Variants in LNPEP observed in about 807,000 individuals in gnomAD.
LNPEP encodes the protein leucyl-cystinyl aminopeptidase.
Under a neutral mutation model 120.6 loss-of-function variants are expected in LNPEP, and 64 were observed. The ratio of observed to expected loss-of-function variants is 0.53; its 90% CI spans 0.43 to 0.65. The LOEUF is 0.65. LNPEP is among the 30% of genes least tolerant of loss of function. The pLI is 0.00. For synonymous variants in LNPEP, 435 were observed against 425.4 expected (o/e 1.02, Z -0.28); for missense variants, 1,057 against 1,200.0 (o/e 0.88, Z 1.76).
At chr5:97,011,266 C>A (rs1790920305) in intron 11 of LNPEP, 23 of 873,634 alleles carry the variant, frequency 2.6e-5, no homozygotes, top group Non-Finnish European at 3.2e-5. Flanking sequence ...TGCTCTGTCA[C>A]CCAGGCTAAG....
chr5:97,022,017 C>T (rs1338285070), intron 13 of LNPEP, among the ~76,000 whole-genome samples: 1 of 146,706 alleles, frequency 6.8e-6, no homozygotes, highest in South Asian at 2.2e-4. Flanking sequence ...CTGCAACCTC[C>T]ACCTCCTGGG....
intron 1 of LNPEP, among the ~76,000 whole-genome samples, chr5:96,968,620 G>A (rs1789785004): frequency 6.6e-6 from 1 of 152,018 alleles, no homozygotes; most frequent in South Asian, 2.1e-4. Flanking sequence ...ATTGGTCAGA[G>A]TAAGACATTT....
At chr5:97,015,240 A>G (rs1385967442) in intron 13 of LNPEP, 145 bp downstream of exon 13, 2 of 526,846 alleles carry the variant, frequency 3.8e-6, no homozygotes, top group Non-Finnish European at 6.5e-6. Context: ...TTTACTTAAA[A>G]TCAAGATGTT....
chr5:96,958,075 C>G (rs1789511694), intron 1 of LNPEP, among the ~76,000 whole-genome samples: 1 of 152,222 alleles, frequency 6.6e-6, no homozygotes, highest in Admixed American at 6.5e-5. Context: ...CCACACCACT[C>G]TGTGACCAAA....
chr5:96,938,358 C>G (rs1274164363), intron 1 of LNPEP, among the ~76,000 whole-genome samples: 1 of 152,170 alleles, frequency 6.6e-6, no homozygotes, highest in Admixed American at 6.5e-5. Flanking sequence ...TTAATGGAAT[C>G]TTTCCCACTT....
chr5:97,016,658 A>G (rs1029113351), intron 13 of LNPEP, among the ~76,000 whole-genome samples: 3 of 152,168 alleles, frequency 2.0e-5, no homozygotes, highest in African/African-American at 7.2e-5. Flanking sequence ...CTTGCAGACC[A>G]TATATTTAAG....
At chr5:97,020,346 A>G (rs147974249) in intron 13 of LNPEP, among the ~76,000 whole-genome samples, 51 of 152,306 alleles carry the variant, frequency 3.3e-4, no homozygotes, top group African/African-American at 1.2e-3. Flanking sequence ...GCTTGTGGTC[A>G]TCTGTGGTAC....
intron 1 of LNPEP, among the ~76,000 whole-genome samples, chr5:96,974,959 T>C (rs1581996340): frequency 6.6e-6 from 1 of 152,104 alleles, no homozygotes; most frequent in African/African-American, 2.4e-5. Flanking sequence ...CTTTCGATAG[T>C]CTCATTTATC....
At chr5:96,982,507 C>T (rs1790150483) in intron 2 of LNPEP, among the ~76,000 whole-genome samples, 1 of 152,152 alleles carries the variant, frequency 6.6e-6, no homozygotes, top group African/African-American at 2.4e-5. Flanking sequence ...CAGTTTAAGG[C>T]TTTTTCGCCT....
In LNPEP at chr5:97,011,982, A is replaced by G. The variant is rs574218672; in HGVS notation, c.2036-1666A>G. ...ATCCTAAGGTTTCAGGTACTAATAT[A>G]TAATCTTTAGTACCTAAGCTAAGGC... On this transcript the variant is annotated intron_variant, in intron 11 of 17. Transcript: ENST00000231368. Among the ~76,000 whole-genome samples the G allele has an allele frequency of 3.0e-3, 452 of 152,334 alleles. 4 individuals carry two copies. The highest frequency in any genetic ancestry group is 5.2e-3 in the Non-Finnish European group (354 of 68,024).
chr5:97,015,942 A>G (rs183020885), intron 13 of LNPEP, among the ~76,000 whole-genome samples: 121 of 152,174 alleles, frequency 8.0e-4, no homozygotes, highest in African/African-American at 2.8e-3. Flanking sequence ...CATGTGCACA[A>G]TGTGCAGGTT....
intron 8 of LNPEP, among the ~76,000 whole-genome samples, chr5:97,002,140 A>AAAATAAAT (rs1180935858): frequency 2.6e-5 from 4 of 152,072 alleles, no homozygotes; most frequent in Admixed American, 6.6e-5. Flanking sequence ...ACTTCATCTC[A>AAAATAAAT]AAATAAATAA....
chr5:96,986,548 G>A lies in LNPEP; in HGVS notation c.1009G>A (p.Val337Ile). ...ALSNMPKKSS[V>I]VLDDGLVQDE... ...TCCCCTTTGCTTGTAGAAGTCATCA[G>A]TCGTTCTAGATGATGGACTTGTTCA... Residue 337 changes from valine (V) to isoleucine (I), a missense_variant, in exon 4 of 18, where the codon GTC becomes ATC. Transcript: ENST00000231368. The A allele has an allele frequency of 1.2e-6, 2 of 1,612,880 alleles. No individual in the cohort carries two copies. The highest frequency in any genetic ancestry group is 1.7e-6 in the Non-Finnish European group (2 of 1,179,236).
At chr5:97,010,975 T>G in intron 11 of LNPEP, 2 of 985,396 alleles carry the variant, frequency 2.0e-6, no homozygotes, top group African/African-American at 3.5e-5. Flanking sequence ...TACTGCTTTA[T>G]GTTGTGTCAT....
chr5:96,968,824 A>C (rs1395443860), intron 1 of LNPEP, among the ~76,000 whole-genome samples: 1 of 152,096 alleles, frequency 6.6e-6, no homozygotes, highest in African/African-American at 2.4e-5. Flanking sequence ...AGATGTTTGT[A>C]ACATGTGTAT....
Position 97,006,065 on chromosome 5 carries a change from T to TATATATATA in LNPEP, c.1786-8_1786-7insATATATATA. ...AAAGTTTTATATATATATATATATA[T>TATATATATA]TTTGTAGGTCACAAACCAAACACTA... On this transcript the variant is annotated splice_polypyrimidine_tract_variant and splice_region_variant and intron_variant, in intron 9 of 17. Coordinates refer to ENST00000231368, the MANE Select transcript of LNPEP (RefSeq NM_005575.3). 1.7e-6 allele frequency: 2 copies of TATATATATA among 1,199,360 alleles called. No homozygotes were observed. The highest frequency in any genetic ancestry group is 3.1e-5 in the East Asian group (1 of 32,670). 74.3% of individuals were successfully genotyped at this position (1,199,360 alleles called of 1,614,324 possible). A position where few individuals can be genotyped will look rare whatever the true frequency, so the allele number is the denominator to read the frequency against.
intron 1 of LNPEP, among the ~76,000 whole-genome samples, chr5:96,977,928 G>C (rs1790041126): frequency 6.6e-6 from 1 of 152,088 alleles, no homozygotes; most frequent in Non-Finnish European, 1.5e-5. Flanking sequence ...CAAATTTTTA[G>C]ACCTGTGCTT....
At chr5:97,022,554 G>A (rs773859099) in intron 14 of LNPEP, 70 bp downstream of exon 14, 23 of 1,207,914 alleles carry the variant, frequency 1.9e-5, no homozygotes, top group Non-Finnish European at 2.8e-5. Context: ...AGTATCCAGG[G>A]TATTCTCATC....
intron 2 of LNPEP, among the ~76,000 whole-genome samples, chr5:96,982,233 C>T (rs1790144556): frequency 6.6e-6 from 1 of 152,140 alleles, no homozygotes; most frequent in Non-Finnish European, 1.5e-5. Flanking sequence ...TGGTGCACTG[C>T]CTCTCTAGTT....
Sources: allele counts gnomAD v4.1 joint callset (sites outside exome capture counted in the v4.1 genomes callset), GRCh38; gene constraint gnomAD v4.1.1; transcripts MANE v1.5; gene names NCBI Gene and HGNC (gene_info 2026-07-23, HGNC 2026-07-21).